The following CFAP54 variants were observed in gnomAD, a reference collection of about 807,000 sequenced individuals.
The protein encoded by CFAP54 is cilia- and flagella-associated protein 54.
CFAP54 carries 290 observed loss-of-function variants against 370.4 expected under a neutral mutation model. That is an observed-to-expected ratio of 0.78 (90% CI 0.71 to 0.86). CFAP54 has a LOEUF of 0.86. Among genes scored for constraint, CFAP54 ranks in the 40% least tolerant of loss-of-function variants. The pLI, the probability that CFAP54 is intolerant of heterozygous loss-of-function variation, is 0.00. For missense variants in CFAP54, 3,399 were observed against 3,528.7 expected (o/e 0.96, Z 0.93); for synonymous variants, 1,206 against 1,236.5 (o/e 0.98, Z 0.52).
chr12:96,630,697 CTA>C lies in CFAP54; in HGVS notation c.4316+48_4316+49del, dbSNP rs1592894795. The C allele has an allele frequency of 5.7e-6, 7 of 1,235,092 alleles. No homozygotes were observed. In the Admixed American group the frequency reaches 8.8e-5, roughly 15 times the overall value. The allele number at this position is 1,235,092 out of a possible 1,614,324, so 76.5% of individuals were successfully genotyped here. A position where few individuals can be genotyped will look rare whatever the true frequency, so the allele number is the denominator to read the frequency against. Reference sequence around the variant, plus strand: ...TCAATAAAAGTTTACTTGAGGGTAACTATGTGTTGGGCATTATTTTGGGTACT... The same window carrying C: ...TCAATAAAAGTTTACTTGAGGGTAACTGTGTTGGGCATTATTTTGGGTACT... On this transcript the variant is annotated intron_variant, in intron 32 of 67. Transcript: ENST00000524981.
intron 65 of CFAP54, among the ~76,000 whole-genome samples, chr12:96,828,649 C>T (rs925437504): frequency 1.3e-5 from 2 of 152,160 alleles, no homozygotes; most frequent in African/African-American, 4.8e-5. Flanking sequence ...ATGCTATTGA[C>T]TCTCTTCCTT....
Position 96,743,815 on chromosome 12 carries a change from G to T in CFAP54, c.7462G>T (p.Asp2488Tyr). 6.2e-7 allele frequency: 1 copy of T among 1,613,878 alleles called. No individual in the cohort carries two copies. Among genetic ancestry groups the T allele is most frequent in the South Asian group, 1.1e-5 (1 of 91,054 alleles). ...TLARSLVLLD[D>Y]LTKAEKFKES... ...GGCAAGAAGCCTAGTTTTGCTGGAT[G>T]ACTTAACCAAAGCTGAGAAATTCAA... The change falls in exon 54 of 68, where the codon GAC (aspartate) becomes TAC (tyrosine). Residue 2488 changes from aspartate to tyrosine, a missense_variant. Transcript: ENST00000524981.
intron 12 of CFAP54, among the ~76,000 whole-genome samples, chr12:96,537,601 C>T (rs984135862): frequency 6.6e-6 from 1 of 152,134 alleles, no homozygotes; most frequent in African/African-American, 2.4e-5. Flanking sequence ...CTTGGCCTCC[C>T]AAAGTGCTGG....
In CFAP54 at chr12:96,598,602, G is replaced by A; in HGVS notation, c.3517-43G>A. ...AACATTTTCTAATGAAATGAGTAAG[G>A]ATGACATTTTAAAACAAAAATCATT... On this transcript the variant is annotated intron_variant, in intron 25 of 67. Coordinates refer to ENST00000524981, the MANE Select transcript of CFAP54 (RefSeq NM_001306084.2). 3 of 570,088 alleles carry A rather than the reference G, an allele frequency of 5.3e-6. No homozygotes were observed. In the South Asian group the frequency reaches 7.2e-5, roughly 14 times the overall value. 35.3% of individuals were successfully genotyped at this position (570,088 alleles called of 1,614,324 possible).
rs753606381 is a variant in CFAP54, at chr12:96,744,191, C to G, written c.7684+45C>G. 5.3e-6 allele frequency: 8 copies of G among 1,516,354 alleles called. No homozygotes were observed. The South Asian group carries it at 6.1e-5, about 12-fold the overall frequency. 93.9% of individuals were successfully genotyped at this position (1,516,354 alleles called of 1,614,324 possible). A position where few individuals can be genotyped will look rare whatever the true frequency, so the allele number is the denominator to read the frequency against. On this transcript the variant is annotated intron_variant, in intron 55 of 67. Coordinates refer to ENST00000524981, the MANE Select transcript of CFAP54 (RefSeq NM_001306084.2). ...TATTGCCCTAGAATAACTGATAAAA[C>G]TTTTTAAGTTATTTTTAGGCAGGCT...
intron 39 of CFAP54, among the ~76,000 whole-genome samples, chr12:96,672,312 G>C (rs748651934): frequency 8.5e-5 from 13 of 152,154 alleles, no homozygotes; most frequent in Non-Finnish European, 1.8e-4. Flanking sequence ...AAGGCAGAAA[G>C]AAAGGAAAGA....
chr12:96,767,414 A>G (rs1958411677), intron 60 of CFAP54, among the ~76,000 whole-genome samples: 1 of 152,260 alleles, frequency 6.6e-6, no homozygotes, highest in Non-Finnish European at 1.5e-5. Flanking sequence ...GTTTAATACT[A>G]GAACCTAAGC....
intron 48 of CFAP54, among the ~76,000 whole-genome samples, chr12:96,714,882 TATC>T (rs1156441667): frequency 1.3e-5 from 2 of 152,052 alleles, no homozygotes; most frequent in Non-Finnish European, 1.5e-5. Context: ...AGTGAGGAGA[TATC>T]TAACATGATA....
chr12:96,556,714 A>G (rs1343150837), intron 17 of CFAP54, among the ~76,000 whole-genome samples: 1 of 152,204 alleles, frequency 6.6e-6, no homozygotes, highest in African/African-American at 2.4e-5. Context: ...ATAGAATACT[A>G]TGCAGCCATA....
chr12:96,615,385 G>T (rs938490235), intron 26 of CFAP54, among the ~76,000 whole-genome samples: 1 of 152,136 alleles, frequency 6.6e-6, no homozygotes, highest in Non-Finnish European at 1.5e-5. Flanking sequence ...AGACTTAAAT[G>T]TTAGACCTAA....
chr12:96,565,541 G>A lies in CFAP54; in HGVS notation c.2619+776G>A, dbSNP rs189222829. Among the ~76,000 whole-genome samples the A allele has an allele frequency of 9.6e-4, 146 of 152,246 alleles. 1 individual carries two copies. Among genetic ancestry groups the A allele is most frequent in the Non-Finnish European group, 8.8e-4 (60 of 68,006 alleles). ...TAGGTCAAAGCTAGGAGGGGGATAT[G>A]GAGCTAAAGGGGTTTAATGAGAAAA... On this transcript the variant is annotated intron_variant, in intron 19 of 67. Coordinates refer to ENST00000524981, the MANE Select transcript of CFAP54 (RefSeq NM_001306084.2).
In CFAP54 at chr12:96,704,445, T is replaced by C. The variant is rs1469263430; in HGVS notation, c.6475-298T>C. 4.0e-3 allele frequency among the ~76,000 whole-genome samples: 257 copies of C among 64,466 alleles called. 9 individuals are homozygous for C. Among genetic ancestry groups the C allele is most frequent in the African/African-American group, 0.015 (239 of 15,856 alleles). 42.3% of individuals were successfully genotyped at this position (64,466 alleles called of 152,430 possible). On this transcript the variant is annotated intron_variant, in intron 46 of 67. Coordinates refer to ENST00000524981, the MANE Select transcript of CFAP54 (RefSeq NM_001306084.2). ...CGGTCTAAAAAAAAAAAAAAAAATG[T>C]ATGTGTGTATATATATATATATATA...
chr12:96,864,158 A>G (rs1039192295), intron 67 of CFAP54, among the ~76,000 whole-genome samples: 1 of 152,224 alleles, frequency 6.6e-6, no homozygotes, highest in Admixed American at 6.5e-5. Context: ...TTTTAAAAAT[A>G]TACAGTATCT....
At chr12:96,598,406 T>C (rs1308163914) in intron 25 of CFAP54, among the ~76,000 whole-genome samples, 1 of 152,036 alleles carries the variant, frequency 6.6e-6, no homozygotes, top group Non-Finnish European at 1.5e-5. Flanking sequence ...GTCATTTGTG[T>C]TTTATTTTAT....
At chr12:96,518,835 T>G (rs1955269899) in intron 5 of CFAP54, 93 bp from the exon 6 acceptor site, 3 of 1,185,238 alleles carry the variant, frequency 2.5e-6, no homozygotes, top group Non-Finnish European at 3.3e-6. Context: ...ATCAGCAACT[T>G]GTGCTCACAA....
chr12:96,637,313 C>A (rs1003650788), intron 32 of CFAP54, among the ~76,000 whole-genome samples: 2 of 152,140 alleles, frequency 1.3e-5, no homozygotes, highest in Non-Finnish European at 2.9e-5. Flanking sequence ...ACTTTTGGAT[C>A]AGTTGATCCA....
intron 63 of CFAP54, among the ~76,000 whole-genome samples, chr12:96,801,590 C>A (rs768760807): frequency 1.3e-5 from 2 of 152,162 alleles, no homozygotes; most frequent in Non-Finnish European, 2.9e-5. Flanking sequence ...AAATTTGTCT[C>A]CAGATCGTAC....
chr12:96,803,356 C>A (rs1263071112), intron 63 of CFAP54, among the ~76,000 whole-genome samples: 1 of 152,040 alleles, frequency 6.6e-6, no homozygotes, highest in Non-Finnish European at 1.5e-5. Flanking sequence ...TGATGATCAC[C>A]ATTCTAGCTG....
chr12:96,662,889 C>T (rs957614448), intron 38 of CFAP54, among the ~76,000 whole-genome samples: 1 of 152,054 alleles, frequency 6.6e-6, no homozygotes, highest in Non-Finnish European at 1.5e-5. Flanking sequence ...CAACTATGTG[C>T]CTTTTTGCTC....
Sources: gnomAD v4.1 joint callset for allele counts (sites outside exome capture counted in the v4.1 genomes callset) on GRCh38, gnomAD v4.1.1 for gene constraint, MANE v1.5 for transcripts, NCBI Gene and HGNC (gene_info 2026-07-23, HGNC 2026-07-21) for gene names.